The following FREM2 variants were observed in gnomAD, a reference collection of about 807,000 sequenced individuals.
FREM2 encodes FRAS1-related extracellular matrix protein 2.
A neutral mutation model predicts 219.9 loss-of-function variants in FREM2; 119 were observed. The ratio of observed to expected loss-of-function variants is 0.54; its 90% CI spans 0.47 to 0.63. The LOEUF (loss-of-function observed/expected upper bound fraction) is 0.63. Ranked by LOEUF, FREM2 falls within the 30% of genes least tolerant of loss-of-function variation. The pLI is 0.00. For missense variants in FREM2, 4,030 were observed against 3,993.6 expected, an observed-to-expected ratio of 1.01 and a Z score of -0.25; for synonymous variants, 1,562 against 1,522.8, an observed-to-expected ratio of 1.03 and a Z score of -0.60.
chr13:38,771,332 A>T (rs775624395), intron 4 of FREM2, among the ~76,000 whole-genome samples: 2 of 152,182 alleles, frequency 1.3e-5, no homozygotes, highest in Non-Finnish European at 2.9e-5. Flanking sequence ...TCTCTTTTAA[A>T]CAAGCCCAGG....
chr13:38,851,025 G>A lies in FREM2; in HGVS notation c.6659G>A (p.Gly2220Asp). 4 of 1,613,916 alleles carry A rather than the reference G, an allele frequency of 2.5e-6. No homozygotes were observed. The highest frequency in any genetic ancestry group is 3.4e-6 in the Non-Finnish European group (4 of 1,179,984). Residue 2220 changes from glycine (G) to aspartate (D), a missense_variant, in exon 10 of 24, where the codon GGC becomes GAC. Gly to Asp is a moderately conservative substitution (Grantham distance 94, BLOSUM62 -1). This residue lies in a region of FREM2 where 3,102 missense variants were observed against 2,950.7 expected (regional missense o/e 1.05). Transcript: ENST00000280481. ...GTAGAGGAGCTCCGCCTGGTACTCG[G>A]CACTCCACAAAGCAACTCTCCCTTT... is the stretch of plus-strand genomic sequence containing the variant. Reference protein sequence around the residue: ...EEVEELRLVLGTPQSNSPFGA... With the variant: ...EEVEELRLVLDTPQSNSPFGA...
chr13:38,768,405 T>C (rs575086106), intron 3 of FREM2, among the ~76,000 whole-genome samples: 1 of 152,196 alleles, frequency 6.6e-6, no homozygotes, highest in East Asian at 1.9e-4. Context: ...GCCTCCCCAG[T>C]AGCAAGGACT....
chr13:38,839,524 C>G lies in FREM2; in HGVS notation c.6020-7049C>G, dbSNP rs112884601. ...GATCTTCTGCTCTCTTCAGAACTGGCAGGCAGGAACATTTAAGTCTGCTGA... is the reference window on the plus strand; with the variant it reads ...GATCTTCTGCTCTCTTCAGAACTGGGAGGCAGGAACATTTAAGTCTGCTGA... On this transcript the variant is annotated intron_variant, in intron 6 of 23. Transcript: ENST00000280481. 6.8e-3 allele frequency among the ~76,000 whole-genome samples: 1,040 copies of G among 152,290 alleles called. 7 individuals carry two copies. The highest frequency in any genetic ancestry group is 0.024 in the African/African-American group (989 of 41,548).
chr13:38,689,946 C>T lies in FREM2; in HGVS notation c.2602C>T (p.Leu868Phe). The change falls in exon 1 of 24, where the codon CTC (leucine) becomes TTC (phenylalanine). Residue 868 changes from leucine to phenylalanine, a missense_variant. Coordinates refer to ENST00000280481, the MANE Select transcript of FREM2 (RefSeq NM_207361.6). Reference protein sequence around the residue: ...DTDVAHISFTLTQAPKHGHMR... With the variant: ...DTDVAHISFTFTQAPKHGHMR... The stretch of plus-strand genomic sequence containing the variant: ...TGATGTTGCCCATATCTCTTTCACT[C>T]TCACTCAGGCACCCAAACATGGCCA... 1 of 1,614,106 alleles carries T rather than the reference C, an allele frequency of 6.2e-7. No homozygotes were observed. The highest frequency in any genetic ancestry group is 8.5e-7 in the Non-Finnish European group (1 of 1,180,024).
intron 6 of FREM2, among the ~76,000 whole-genome samples, chr13:38,825,541 G>C (rs890104811): frequency 6.6e-6 from 1 of 152,114 alleles, no homozygotes; most frequent in Admixed American, 6.6e-5. Context: ...CTGAAAAGCA[G>C]TGGTTAGCCT....
Position 38,688,208 on chromosome 13 carries a change from A to C in FREM2, c.864A>C (p.Ser288=). ...DWIPMVVELR[S]RGAPVGSPAL... ...TACCCATGGTGGTGGAGCTGCGTTC[A>C]CGAGGGGCTCCTGTGGGCAGCCCTG... The change falls in exon 1 of 24, where the codon TCA becomes TCC. Residue 288 remains serine (S), a synonymous_variant. Coordinates refer to ENST00000280481, the MANE Select transcript of FREM2 (RefSeq NM_207361.6). 1 of 1,613,192 alleles carries C rather than the reference A, an allele frequency of 6.2e-7. No individual in the cohort carries two copies.
Position 38,864,457 on chromosome 13 carries a change from T to C in FREM2, c.7834T>C (p.Tyr2612His). 6.2e-7 allele frequency: 1 copy of C among 1,614,204 alleles called. No homozygotes were observed. Among genetic ancestry groups the C allele is most frequent in the Non-Finnish European group, 8.5e-7 (1 of 1,180,030 alleles). The change falls in exon 16 of 24, where the codon TAC (tyrosine) becomes CAC (histidine). Residue 2612 changes from tyrosine (Y) to histidine (H), a missense_variant. Physicochemically the swap from Tyr to His is moderately conservative, Grantham distance 83 (BLOSUM62 2). This residue lies in a region of FREM2 where 928 missense variants were observed against 1,042.9 expected (regional missense o/e 0.89). Transcript: ENST00000280481. ...NPEIIGETYP[Y>H]QYSLSIRGST... ...AGAAATAATTGGAGAGACATATCCT[T>C]ACCAGTACAGCTTGTCCATCAGAGG...
At chr13:38,830,167 G>T (rs1216005749) in intron 6 of FREM2, among the ~76,000 whole-genome samples, 2 of 152,074 alleles carry the variant, frequency 1.3e-5, no homozygotes, top group African/African-American at 4.8e-5. Flanking sequence ...CAAGAGTACT[G>T]GGAAAGATAA....
intron 6 of FREM2, among the ~76,000 whole-genome samples, chr13:38,819,752 A>G (rs1218206269): frequency 6.6e-6 from 1 of 152,180 alleles, no homozygotes; most frequent in Non-Finnish European, 1.5e-5. Flanking sequence ...TTATGAGCCA[A>G]GTTTTATTAT....
chr13:38,878,458 A>G, intron 22 of FREM2, 137 bp downstream of exon 22: 1 of 466,196 alleles, frequency 2.1e-6, no homozygotes, highest in Non-Finnish European at 3.9e-6. Context: ...TAGAAGGATC[A>G]CTTGAAGCCA....
chr13:38,824,752 C>T (rs973417255), intron 6 of FREM2, among the ~76,000 whole-genome samples: 1 of 151,988 alleles, frequency 6.6e-6, no homozygotes, highest in Non-Finnish European at 1.5e-5. Flanking sequence ...CACAAAATGC[C>T]TATCTACAAT....
At chr13:38,833,175 G>T (rs1158916285) in intron 6 of FREM2, among the ~76,000 whole-genome samples, 1 of 151,782 alleles carries the variant, frequency 6.6e-6, no homozygotes. Flanking sequence ...CTGCAGTTTT[G>T]TTTGATAACT....
At chr13:38,737,001 G>A (rs1872025045) in intron 2 of FREM2, among the ~76,000 whole-genome samples, 2 of 151,670 alleles carry the variant, frequency 1.3e-5, no homozygotes, top group South Asian at 4.2e-4. Context: ...ATTTCTCCAT[G>A]TTTGGAGACT....
chr13:38,852,898 G>T (rs1005433387), intron 11 of FREM2, among the ~76,000 whole-genome samples: 3 of 151,736 alleles, frequency 2.0e-5, no homozygotes, highest in African/African-American at 7.3e-5. Flanking sequence ...TAGAGATGGG[G>T]TTTTACCATG....
rs1166164789 is a variant in FREM2 at position 38,885,833 on chromosome 13, TTTAA to T, written c.*5051_*5054del. The T allele has an allele frequency of 3.9e-5, 6 of 152,220 alleles. No homozygotes were observed. Among genetic ancestry groups the T allele is most frequent in the South Asian group, 2.1e-4 (1 of 4,830 alleles). The allele number at this position is 152,220 out of a possible 1,614,324, so 9.4% of individuals were successfully genotyped here. On this transcript the variant is annotated 3_prime_UTR_variant, in exon 24 of 24. Coordinates refer to ENST00000280481, the MANE Select transcript of FREM2 (RefSeq NM_207361.6). ...GATGTAAAAAAAATTACTTTGATGG[TTTAA>T]TTAAGAATAATAAGTCAAATATCAC...
At chr13:38,853,524 T>C (rs1395599390) in intron 11 of FREM2, among the ~76,000 whole-genome samples, 1 of 152,204 alleles carries the variant, frequency 6.6e-6, no homozygotes, top group Admixed American at 6.5e-5. Context: ...CAGGCATTCA[T>C]CTTTATCTAA....
intron 6 of FREM2, among the ~76,000 whole-genome samples, chr13:38,807,018 C>T (rs1308322034): frequency 1.3e-5 from 2 of 150,750 alleles, no homozygotes; most frequent in Non-Finnish European, 1.5e-5. Flanking sequence ...GTGATTGAGT[C>T]ATATTGTCAG....
At chr13:38,827,673 G>A (rs1400906175) in intron 6 of FREM2, 1 of 152,100 alleles carries the variant, frequency 6.6e-6, no homozygotes, top group African/African-American at 2.4e-5. Flanking sequence ...AGCAGTAACT[G>A]TTAAGTAAGT....
At chr13:38,720,424 C>T (rs545535971) in intron 2 of FREM2, among the ~76,000 whole-genome samples, 1 of 152,126 alleles carries the variant, frequency 6.6e-6, no homozygotes, top group Non-Finnish European at 1.5e-5. Context: ...AGCTATAGAA[C>T]TCACACATGC....
Sources: allele counts gnomAD v4.1 joint callset (sites outside exome capture counted in the v4.1 genomes callset), GRCh38; gene constraint gnomAD v4.1.1; regional missense constraint gnomAD v4.1.1; transcripts MANE v1.5; gene names NCBI Gene and HGNC (gene_info 2026-07-23, HGNC 2026-07-21).